EEF1AKMT1: variants seen among roughly 807,000 people sequenced by gnomAD.
EEF1AKMT1 encodes EEF1A lysine methyltransferase 1.
Under a neutral mutation model 21.0 loss-of-function variants are expected in EEF1AKMT1, and 18 were observed. The observed-to-expected ratio is 0.86, with a 90% CI of 0.59 to 1.27. The LOEUF (loss-of-function observed/expected upper bound fraction) is 1.27, where lower values mean the gene tolerates loss of function less well. Ranked by LOEUF, EEF1AKMT1 falls within the 50% of genes most tolerant of loss-of-function variation. The pLI, the probability that EEF1AKMT1 is intolerant of heterozygous loss-of-function variation, is 0.00. For missense variants in EEF1AKMT1, 246 were observed against 258.6 expected (o/e 0.95, Z 0.33); for synonymous variants, 109 against 94.8 (o/e 1.15, Z -0.87).
intron 3 of EEF1AKMT1, among the ~76,000 whole-genome samples, chr13:20,735,865 A>G (rs1161585675): frequency 6.6e-6 from 1 of 152,240 alleles, no homozygotes; most frequent in Non-Finnish European, 1.5e-5. Context: ...GACCAAAAAA[A>G]GAGCTGCAGA....
chr13:20,765,560 C>T (rs1032869473), intron 1 of EEF1AKMT1, among the ~76,000 whole-genome samples: 8 of 151,346 alleles, frequency 5.3e-5, no homozygotes, highest in South Asian at 2.1e-4. Flanking sequence ...TTACAAGCGC[C>T]GGCCACCACA....
intron 3 of EEF1AKMT1, among the ~76,000 whole-genome samples, chr13:20,736,729 T>C (rs1033722433): frequency 2.9e-5 from 4 of 137,822 alleles, no homozygotes; most frequent in African/African-American, 1.1e-4. Flanking sequence ...TTAGAACCAT[T>C]TGACTTTTTT....
rs1566526642 is a variant in EEF1AKMT1 at position 20,732,103 on chromosome 13, G to C, written c.246C>G (p.Ala82=). The change falls in exon 4 of 5, where the codon GCC becomes GCG. Residue 82 remains alanine (A), a synonymous_variant. Transcript: ENST00000382758. ...GEGGRIACVS[A]PSVYQKLREL... is the part of the protein sequence containing the mutation. The stretch of plus-strand genomic sequence containing the variant: ...CTCTGAGTTTCTGGTAAACACTAGG[G>C]GCACTCACACATGCGATTCTAGGAG... 6.2e-7 allele frequency: 1 copy of C among 1,611,454 alleles called. No homozygotes were observed. The highest frequency in any genetic ancestry group is 8.5e-7 in the Non-Finnish European group (1 of 1,178,820).
chr13:20,768,266 A>G (rs2059046657), intron 1 of EEF1AKMT1, among the ~76,000 whole-genome samples: 1 of 152,198 alleles, frequency 6.6e-6, no homozygotes, highest in Non-Finnish European at 1.5e-5. Context: ...AATTACTTGG[A>G]AACAATTTGA....
intron 1 of EEF1AKMT1, among the ~76,000 whole-genome samples, chr13:20,767,273 T>TC (rs2141440283): frequency 8.4e-6 from 1 of 119,196 alleles, no homozygotes; most frequent in Non-Finnish European, 1.6e-5. Flanking sequence ...GCCACTGCAC[T>TC]CCTGCCTGGG....
At chr13:20,730,813 A>G (rs1188116482) in intron 4 of EEF1AKMT1, among the ~76,000 whole-genome samples, 1 of 152,212 alleles carries the variant, frequency 6.6e-6, no homozygotes, top group Non-Finnish European at 1.5e-5. Context: ...AGGGAATAAA[A>G]GCTGGCCACC....
At chr13:20,769,957 G>C (rs751911355) in intron 1 of EEF1AKMT1, among the ~76,000 whole-genome samples, 6 of 152,056 alleles carry the variant, frequency 3.9e-5, no homozygotes, top group African/African-American at 1.2e-4. Context: ...TAAATAGAGA[G>C]ACAGAAAACA....
chr13:20,754,414 C>T (rs1164696755), intron 2 of EEF1AKMT1, among the ~76,000 whole-genome samples: 2 of 151,982 alleles, frequency 1.3e-5, no homozygotes, highest in Non-Finnish European at 2.9e-5. Flanking sequence ...TTAGAATTCT[C>T]TCTTTGACTT....
intron 3 of EEF1AKMT1, among the ~76,000 whole-genome samples, chr13:20,737,093 C>T (rs951958301): frequency 2.0e-5 from 3 of 151,866 alleles, no homozygotes; most frequent in East Asian, 2.0e-4. Context: ...AGGCCAGGCA[C>T]GGTGGCTCAT....
intron 3 of EEF1AKMT1, among the ~76,000 whole-genome samples, chr13:20,737,143 A>T (rs1595013268): frequency 6.6e-6 from 1 of 152,002 alleles, no homozygotes; most frequent in African/African-American, 2.4e-5. Flanking sequence ...AGGCAGGTGG[A>T]TCACAAGGTC....
At chr13:20,762,590 T>C (rs2059006584) in intron 1 of EEF1AKMT1, among the ~76,000 whole-genome samples, 1 of 152,098 alleles carries the variant, frequency 6.6e-6, no homozygotes, top group African/African-American at 2.4e-5. Flanking sequence ...TTAAATATGA[T>C]GCAGCCACAA....
intron 1 of EEF1AKMT1, among the ~76,000 whole-genome samples, chr13:20,758,887 C>T (rs1201626873): frequency 6.6e-6 from 1 of 152,072 alleles, no homozygotes; most frequent in Non-Finnish European, 1.5e-5. Flanking sequence ...ATCAACTGGT[C>T]TTCGATCAAG....
chr13:20,770,066 G>C (rs1319329703), intron 1 of EEF1AKMT1, among the ~76,000 whole-genome samples: 2 of 152,124 alleles, frequency 1.3e-5, no homozygotes, highest in Non-Finnish European at 2.9e-5. Flanking sequence ...AGGCAGAAGA[G>C]AATCAGCAAG....
chr13:20,733,337 A>G (rs924578631), intron 3 of EEF1AKMT1, among the ~76,000 whole-genome samples: 4 of 151,946 alleles, frequency 2.6e-5, no homozygotes, highest in Non-Finnish European at 5.9e-5. Context: ...TTCATGATCC[A>G]CCTGCCTTGG....
intron 2 of EEF1AKMT1, among the ~76,000 whole-genome samples, chr13:20,749,498 A>C (rs2058929279): frequency 6.6e-6 from 1 of 152,216 alleles, no homozygotes. Context: ...TGAGAAGTAC[A>C]CAAGAGGTCA....
intron 2 of EEF1AKMT1, among the ~76,000 whole-genome samples, chr13:20,746,679 A>G (rs879742241): frequency 4.0e-5 from 6 of 150,172 alleles, no homozygotes; most frequent in Non-Finnish European, 7.5e-5. Context: ...TCAGGGCACA[A>G]TGATAGATTT....
chr13:20,729,302 G>A (rs1595008211), intron 4 of EEF1AKMT1, 86 bp from the exon 5 acceptor site: 10 of 1,498,448 alleles, frequency 6.7e-6, no homozygotes, highest in East Asian at 4.6e-5. Context: ...GGCTCTAGGC[G>A]GACCACCGGT....
At chr13:20,752,594 G>A (rs967904156) in intron 2 of EEF1AKMT1, among the ~76,000 whole-genome samples, 1 of 151,980 alleles carries the variant, frequency 6.6e-6, no homozygotes, top group African/African-American at 2.4e-5. Flanking sequence ...TGGGATACTG[G>A]CCTGTAATTT....
intron 1 of EEF1AKMT1, among the ~76,000 whole-genome samples, chr13:20,773,468 C>T (rs906944448): frequency 2.6e-5 from 4 of 152,244 alleles, no homozygotes; most frequent in African/African-American, 9.6e-5. Context: ...CGGGTGCCCG[C>T]CCTCCAGGAG....
Sources: gnomAD v4.1 joint callset for allele counts (sites outside exome capture counted in the v4.1 genomes callset) on GRCh38, gnomAD v4.1.1 for gene constraint, MANE v1.5 for transcripts, NCBI Gene and HGNC (gene_info 2026-07-23, HGNC 2026-07-21) for gene names.